Variants in NCAM1 observed in about 807,000 individuals in gnomAD.
NCAM1 encodes the protein antigen recognized by monoclonal antibody 5.1H11.
A neutral mutation model predicts 109.8 loss-of-function variants in NCAM1; 14 were observed. The observed-to-expected ratio is 0.13, with a 90% CI of 0.08 to 0.20. NCAM1 has a LOEUF of 0.20. NCAM1 is among the 10% of genes least tolerant of loss of function. The pLI is 1.00. For missense variants in NCAM1, 774 were observed against 1,109.9 expected (o/e 0.70, Z 4.30); for synonymous variants, 418 against 442.9 (o/e 0.94, Z 0.70).
Position 113,230,691 on chromosome 11 carries a change from A to T in NCAM1, c.1090-954A>T, listed in dbSNP as rs1374209381. 2.0e-5 allele frequency among the ~76,000 whole-genome samples: 3 copies of T among 152,198 alleles called. No individual in the cohort carries two copies. In the East Asian group the frequency reaches 5.8e-4, roughly 29 times the overall value. ...ATAACCTCCTGTCCATCCCTACAGAACATCATATACTGGAGACAAGAGGGC... is the reference window on the plus strand; with the variant it reads ...ATAACCTCCTGTCCATCCCTACAGATCATCATATACTGGAGACAAGAGGGC... On this transcript the variant is annotated intron_variant, in intron 9 of 19. Transcript: ENST00000316851.
chr11:113,255,821 G>A lies in NCAM1; in HGVS notation c.1829-56G>A, dbSNP rs1945817602. ...CCTGTCACTCCATCCCATTCAGATGGGTTGGATTTTCATTCTGTGGATGAG... is the reference window on the plus strand; with the variant it reads ...CCTGTCACTCCATCCCATTCAGATGAGTTGGATTTTCATTCTGTGGATGAG... On this transcript the variant is annotated intron_variant, in intron 15 of 19. Transcript: ENST00000316851. 4 of 1,599,274 alleles carry A rather than the reference G, an allele frequency of 2.5e-6. No homozygotes were observed. The Admixed American group carries it at 6.9e-5, about 27-fold the overall frequency.
At chr11:113,191,777 A>G (rs59728705) in intron 1 of NCAM1, among the ~76,000 whole-genome samples, 4,725 of 146,430 alleles carry the variant, frequency 0.032, 175 homozygotes, top group African/African-American at 0.1. Flanking sequence ...GTGTGTGTAT[A>G]TATATATATA....
At chr11:113,259,273 G>T (rs916621350) in intron 16 of NCAM1, among the ~76,000 whole-genome samples, 37 of 151,712 alleles carry the variant, frequency 2.4e-4, no homozygotes, top group Admixed American at 5.2e-4. Context: ...GGATGGTCTC[G>T]ATCTCCTGAC....
At chr11:113,129,855 G>A (rs1555098012) in intron 1 of NCAM1, among the ~76,000 whole-genome samples, 1 of 152,212 alleles carries the variant, frequency 6.6e-6, no homozygotes. Flanking sequence ...CCCATTGCTA[G>A]TTAAGTAAAT....
At chr11:113,011,903 G>GA (rs199767746) in intron 1 of NCAM1, among the ~76,000 whole-genome samples, 3,029 of 151,148 alleles carry the variant, frequency 0.02, 71 homozygotes, top group East Asian at 0.094. Context: ...GACTGGTTTG[G>GA]AAAAAAAAAT....
At chr11:113,000,827 T>C (rs1344640293) in intron 1 of NCAM1, among the ~76,000 whole-genome samples, 15 of 17,790 alleles carry the variant, frequency 8.4e-4, no homozygotes, top group African/African-American at 4.9e-3. Flanking sequence ...CATATATATA[T>C]ATATATATAT....
intron 1 of NCAM1, among the ~76,000 whole-genome samples, chr11:112,995,277 TG>T (rs1555071258): frequency 6.6e-6 from 1 of 152,226 alleles, no homozygotes. Flanking sequence ...CACCTTACTT[TG>T]TATTAACAGA....
At chr11:113,104,216 G>GC (rs1940038012) in intron 1 of NCAM1, among the ~76,000 whole-genome samples, 1 of 119,810 alleles carries the variant, frequency 8.3e-6, no homozygotes, top group Non-Finnish European at 1.7e-5. Flanking sequence ...GTGGGGGGGG[G>GC]GGCGGGGTGG....
chr11:113,026,440 C>T (rs556615951), intron 1 of NCAM1, among the ~76,000 whole-genome samples: 10 of 152,134 alleles, frequency 6.6e-5, no homozygotes, highest in African/African-American at 1.2e-4. Context: ...CCCTGCATGC[C>T]GTGTAGACAC....
At chr11:113,206,238 T>TAA in intron 5 of NCAM1, 58 bp downstream of exon 5, 1 of 1,520,186 alleles carries the variant, frequency 6.6e-7, no homozygotes, top group Non-Finnish European at 8.8e-7. Flanking sequence ...TTCTCCAAAA[T>TAA]CATTCTCTTT....
At position 113,277,936 on chromosome 11, in the gene NCAM1, A is replaced by ATGT. The variant is rs1177238297; in HGVS notation, c.*2551_*2553dup. Reference sequence around the variant, plus strand: ...TTTATTCCAAGATGTTTTATCTTTTATGTTAAGAGATCAAAGCTTATAATT... The same window carrying ATGT: ...TTTATTCCAAGATGTTTTATCTTTTATGTTGTTAAGAGATCAAAGCTTATAATT... On this transcript the variant is annotated 3_prime_UTR_variant, in exon 20 of 20. Transcript: ENST00000316851. 6 of 130,670 alleles carry ATGT rather than the reference A, an allele frequency of 4.6e-5. No homozygotes were observed. The highest frequency in any genetic ancestry group is 1.7e-4 in the African/African-American group (6 of 34,956). The allele number at this position is 130,670 out of a possible 1,614,324, so 8.1% of individuals were successfully genotyped here. A position where few individuals can be genotyped will look rare whatever the true frequency, so the allele number is the denominator to read the frequency against.
At chr11:113,199,258 A>G (rs1943957188) in intron 1 of NCAM1, among the ~76,000 whole-genome samples, 1 of 152,196 alleles carries the variant, frequency 6.6e-6, no homozygotes, top group Non-Finnish European at 1.5e-5. Flanking sequence ...AACTGAAAAA[A>G]AGGTGAAAGT....
At chr11:113,119,555 T>G (rs893839455) in intron 1 of NCAM1, among the ~76,000 whole-genome samples, 4 of 152,166 alleles carry the variant, frequency 2.6e-5, no homozygotes, top group Non-Finnish European at 5.9e-5. Context: ...GATGGAATTT[T>G]GGGACGTGCA....
Position 113,273,753 on chromosome 11 carries a change from G to T in NCAM1, c.2457-1514G>T, listed in dbSNP as rs570613548. ...GCCTGCGCCAGCAAAGACCGAGTAC[G>T]GCCTCTCTTTGTCTGCTGTCATCGG... On this transcript the variant is annotated intron_variant, in intron 19 of 19. Transcript: ENST00000316851. The surrounding 1 kb of genome is among the most constrained non-coding windows in gnomAD (Gnocchi z 6.0). 1 of 433,844 alleles carries T rather than the reference G, an allele frequency of 2.3e-6. No homozygotes were observed. The highest frequency in any genetic ancestry group is 7.2e-5 in the East Asian group (1 of 13,892). 26.9% of individuals were successfully genotyped at this position (433,844 alleles called of 1,614,324 possible).
intron 12 of NCAM1, 148 bp from the exon 13 acceptor site, chr11:113,232,999 A>G (rs1043581575): frequency 1.6e-5 from 15 of 946,840 alleles, no homozygotes; most frequent in Admixed American, 7.4e-5. Flanking sequence ...GGGGAGAAGC[A>G]TCTGGTGAGA....
chr11:113,151,213 T>G (rs1404749374), intron 1 of NCAM1, among the ~76,000 whole-genome samples: 1 of 152,124 alleles, frequency 6.6e-6, no homozygotes, highest in Non-Finnish European at 1.5e-5. Flanking sequence ...GGAATGGCCC[T>G]AACTTGAAAA....
intron 1 of NCAM1, among the ~76,000 whole-genome samples, chr11:113,139,632 G>T (rs973810033): frequency 6.6e-6 from 1 of 151,736 alleles, no homozygotes; most frequent in Non-Finnish European, 1.5e-5. Flanking sequence ...TAAAGTATTT[G>T]GTATACTACA....
intron 1 of NCAM1, among the ~76,000 whole-genome samples, chr11:113,066,153 G>C (rs186284857): frequency 2.9e-3 from 448 of 151,996 alleles, no homozygotes; most frequent in African/African-American, 0.01. Context: ...AGTAATTTTT[G>C]TAAAAGGAAG....
chr11:113,236,223 T>C, intron 14 of NCAM1: 1 of 1,470,578 alleles, frequency 6.8e-7, no homozygotes, highest in Non-Finnish European at 9.5e-7. Flanking sequence ...ATTCATTTCT[T>C]TTACATCTTA....
Sources: allele counts gnomAD v4.1 joint callset (sites outside exome capture counted in the v4.1 genomes callset), GRCh38; gene constraint gnomAD v4.1.1; non-coding constraint Gnocchi (gnomAD v3.1); transcripts MANE v1.5; gene names NCBI Gene and HGNC (gene_info 2026-07-23, HGNC 2026-07-21).